The following NCAM2 variants were observed in gnomAD, a reference collection of about 807,000 sequenced individuals.
NCAM2 encodes neural cell adhesion molecule 2.
NCAM2 carries 30 observed loss-of-function variants against 98.1 expected under a neutral mutation model. The observed-to-expected ratio is 0.31, with a 90% CI of 0.23 to 0.41. NCAM2 has a LOEUF of 0.41. NCAM2 is among the 10% of genes least tolerant of loss of function. The probability of loss-of-function intolerance (pLI) is 1.00; values close to 1 mark genes in which losing one functional copy is unlikely to be tolerated. For synonymous variants in NCAM2, 368 were observed against 342.4 expected, an observed-to-expected ratio of 1.07 and a Z score of -0.83; for missense variants, 867 against 1,005.8, an observed-to-expected ratio of 0.86 and a Z score of 1.87.
At chr21:21,176,387 ATCC>A (rs896610386) in intron 1 of NCAM2, among the ~76,000 whole-genome samples, 32 of 152,290 alleles carry the variant, frequency 2.1e-4, no homozygotes, top group Non-Finnish European at 2.5e-4. Flanking sequence ...TAGTTGAAAT[ATCC>A]TCCTAATGGT....
intron 6 of NCAM2, among the ~76,000 whole-genome samples, chr21:21,326,557 A>AT (rs754371351): frequency 1.3e-4 from 19 of 151,578 alleles, no homozygotes; most frequent in Middle Eastern, 3.4e-3. Flanking sequence ...TTCTGCAGAG[A>AT]TTTTTTTTTC....
rs537121137 is a variant in NCAM2 at position 21,420,319 on chromosome 21, G to A, written c.1480+1750G>A. Among the ~76,000 whole-genome samples, 311 of 151,960 alleles carry A rather than the reference G, an allele frequency of 2.0e-3. 3 individuals carry two copies. Among genetic ancestry groups the A allele is most frequent in the African/African-American group, 7.2e-3 (299 of 41,528 alleles). Reference sequence around the variant, plus strand: ...TAGAATAAAAAATTCATACAAACCAGAAAGCCAGATATTGTTTACTTATTT... The same window carrying A: ...TAGAATAAAAAATTCATACAAACCAAAAAGCCAGATATTGTTTACTTATTT... On this transcript the variant is annotated intron_variant, in intron 11 of 17. Coordinates refer to ENST00000400546, the MANE Select transcript of NCAM2 (RefSeq NM_004540.5).
intron 1 of NCAM2, among the ~76,000 whole-genome samples, chr21:21,048,354 G>T (rs1229513616): frequency 6.6e-6 from 1 of 151,866 alleles, no homozygotes; most frequent in African/African-American, 2.4e-5. Context: ...GAACCAACCC[G>T]ATGTATTTTT....
intron 1 of NCAM2, among the ~76,000 whole-genome samples, chr21:21,015,165 A>T (rs928580072): frequency 1.3e-5 from 2 of 152,238 alleles, no homozygotes; most frequent in East Asian, 3.8e-4. Context: ...AAATATAAAC[A>T]TTATTTAGAA....
intron 1 of NCAM2, among the ~76,000 whole-genome samples, chr21:21,251,324 C>T (rs918412930): frequency 5.5e-5 from 8 of 144,754 alleles, no homozygotes; most frequent in East Asian, 2.1e-4. Context: ...CCTCTCCTTG[C>T]CCCCCACCCC....
At chr21:21,333,937 A>C (rs1473757936) in intron 6 of NCAM2, among the ~76,000 whole-genome samples, 1 of 152,066 alleles carries the variant, frequency 6.6e-6, no homozygotes, top group Non-Finnish European at 1.5e-5. Context: ...AATATATATA[A>C]AAGATACTAT....
At chr21:21,511,826 G>C (rs1020022844) in intron 16 of NCAM2, among the ~76,000 whole-genome samples, 5 of 151,956 alleles carry the variant, frequency 3.3e-5, no homozygotes, top group Middle Eastern at 3.2e-3. Flanking sequence ...TTATGGTTTT[G>C]ATTTGCATTT....
intron 1 of NCAM2, among the ~76,000 whole-genome samples, chr21:21,192,251 TA>T (rs937346944): frequency 6.8e-6 from 1 of 146,070 alleles, no homozygotes; most frequent in African/African-American, 2.5e-5. Flanking sequence ...ACAAAAAAAC[TA>T]AAAAAAAACC....
At chr21:21,243,863 G>C (rs181680613) in intron 1 of NCAM2, among the ~76,000 whole-genome samples, 8 of 152,118 alleles carry the variant, frequency 5.3e-5, no homozygotes, top group Non-Finnish European at 8.8e-5. Context: ...AGATAGAGTT[G>C]ATCTTTAACA....
At chr21:21,238,058 C>T (rs986945701) in intron 1 of NCAM2, among the ~76,000 whole-genome samples, 2 of 143,912 alleles carry the variant, frequency 1.4e-5, no homozygotes, top group African/African-American at 5.2e-5. Flanking sequence ...TGGGTTCAAG[C>T]GATTCTCCTG....
chr21:21,135,373 G>C (rs2146631000), intron 1 of NCAM2, among the ~76,000 whole-genome samples: 1 of 152,194 alleles, frequency 6.6e-6, no homozygotes, highest in African/African-American at 2.4e-5. Context: ...TTTAGTGAGA[G>C]AGCCACAAGT....
intron 1 of NCAM2, among the ~76,000 whole-genome samples, chr21:21,080,614 CA>C (rs112060723): frequency 0.38 from 21,851 of 56,900 alleles, 1,936 homozygotes; most frequent in Non-Finnish European, 0.46. Flanking sequence ...AAAACTCTGT[CA>C]AAAAAAAAAA....
In NCAM2 at chr21:21,326,958, C is replaced by T. The variant is rs533532179; in HGVS notation, c.737+2458C>T. Among the ~76,000 whole-genome samples, 55 of 152,204 alleles carry T rather than the reference C, an allele frequency of 3.6e-4. 1 individual carries two copies. The South Asian group carries it at 0.011, about 30-fold the overall frequency. Reference sequence around the variant, plus strand: ...AGGGTAGCATCCCGAGAGAAATGTCCAGACTGTTTCATAGAGATAATATTT... The same window carrying T: ...AGGGTAGCATCCCGAGAGAAATGTCTAGACTGTTTCATAGAGATAATATTT... On this transcript the variant is annotated intron_variant, in intron 6 of 17. Transcript: ENST00000400546.
chr21:21,028,720 T>C (rs891448478), intron 1 of NCAM2, among the ~76,000 whole-genome samples: 1 of 152,156 alleles, frequency 6.6e-6, no homozygotes. Context: ...ATTTGTGCAA[T>C]AACATAGATA....
At chr21:21,207,567 C>T (rs1863594806) in intron 1 of NCAM2, among the ~76,000 whole-genome samples, 2 of 151,960 alleles carry the variant, frequency 1.3e-5, no homozygotes, top group Non-Finnish European at 1.5e-5. Context: ...TAATAAGGTC[C>T]TGACTATTGG....
chr21:21,205,700 C>T (rs1486840417), intron 1 of NCAM2, among the ~76,000 whole-genome samples: 1 of 152,030 alleles, frequency 6.6e-6, no homozygotes, highest in African/African-American at 2.4e-5. Flanking sequence ...CTCTATTCAG[C>T]AGCTATAAGA....
chr21:21,267,837 A>T (rs1331366111), intron 1 of NCAM2, among the ~76,000 whole-genome samples: 1 of 152,180 alleles, frequency 6.6e-6, no homozygotes, highest in Non-Finnish European at 1.5e-5. Flanking sequence ...AGTTTTATGT[A>T]AGAAAGTCCT....
chr21:21,056,788 T>C (rs926235112), intron 1 of NCAM2, among the ~76,000 whole-genome samples: 4 of 151,982 alleles, frequency 2.6e-5, no homozygotes, highest in South Asian at 4.1e-4. Context: ...CAAATAAATA[T>C]AGATAGATAA....
chr21:21,377,795 C>T (rs947042558), intron 9 of NCAM2, among the ~76,000 whole-genome samples: 27 of 152,028 alleles, frequency 1.8e-4, no homozygotes, highest in Admixed American at 1.8e-3. Flanking sequence ...TCCTGTCTAT[C>T]TGCCTGTCTA....
Sources: gnomAD v4.1 joint callset for allele counts (sites outside exome capture counted in the v4.1 genomes callset) on GRCh38, gnomAD v4.1.1 for gene constraint, MANE v1.5 for transcripts, NCBI Gene and HGNC (gene_info 2026-07-23, HGNC 2026-07-21) for gene names.